CTBP2: variants seen among roughly 807,000 people sequenced by gnomAD.
CTBP2 encodes C-terminal binding protein 2, also known as C-terminal-binding protein 2.
Under a neutral mutation model 80.3 loss-of-function variants are expected in CTBP2, and 30 were observed. The observed-to-expected ratio is 0.37, with a 90% confidence interval of 0.28 to 0.51. The LOEUF is 0.51. Among genes scored for constraint, CTBP2 ranks in the 20% least tolerant of loss-of-function variants. The pLI is 0.93. For missense variants in CTBP2, 1,212 were observed against 1,375.3 expected, an observed-to-expected ratio of 0.88 and a Z score of 1.88; for synonymous variants, 594 against 587.4, an observed-to-expected ratio of 1.01 and a Z score of -0.16.
chr10:124,991,161 C>T (rs7902115), intron 8 of CTBP2, among the ~76,000 whole-genome samples: 133,338 of 152,128 alleles, frequency 0.88, 60,368 homozygotes, highest in Non-Finnish European at 0.99. Context: ...CCACAGAACA[C>T]AGGGTCCTCG....
rs56032803 is a variant in CTBP2 at position 125,060,463 on chromosome 10, CGTGTGT to C, written c.-101-21314_-101-21309del. 6.6e-3 allele frequency among the ~76,000 whole-genome samples: 981 copies of C among 147,926 alleles called. 7 individuals are homozygous for C. Among genetic ancestry groups the C allele is most frequent in the South Asian group, 0.019 (89 of 4,590 alleles). ...TGGTCATGATATTCCATTCCCCCCA[CGTGTGT>C]GTGTGTGTGTGTGTGTGTGTGTGTG... is the stretch of plus-strand genomic sequence containing the variant. On this transcript the variant is annotated intron_variant, in intron 2 of 10. Transcript: ENST00000337195.
intron 8 of CTBP2, among the ~76,000 whole-genome samples, 177 bp downstream of exon 10, chr10:124,992,518 A>G (rs1952815828): frequency 6.6e-6 from 1 of 152,112 alleles, no homozygotes; most frequent in Non-Finnish European, 1.5e-5. Context: ...TTGTTCCATG[A>G]AATTAGGCAT....
intron 1 of CTBP2, among the ~76,000 whole-genome samples, chr10:125,015,516 C>T (rs1210667700): frequency 6.6e-6 from 1 of 152,210 alleles, no homozygotes; most frequent in Admixed American, 6.5e-5. Flanking sequence ...AGCCGGGCTC[C>T]CAGGGCTCCC....
intron 1 of CTBP2, among the ~76,000 whole-genome samples, chr10:125,017,439 C>A (rs574177013): frequency 1.3e-5 from 2 of 152,306 alleles, no homozygotes; most frequent in African/African-American, 2.4e-5. Flanking sequence ...AAGCTCAGAG[C>A]AGAATTCCCA....
chr10:125,057,372 A>G (rs1185430401), intron 2 of CTBP2, among the ~76,000 whole-genome samples: 1 of 152,172 alleles, frequency 6.6e-6, no homozygotes, highest in Non-Finnish European at 1.5e-5. Flanking sequence ...AGGAACAACA[A>G]AAACCCCTTT....
intron 1 of CTBP2, among the ~76,000 whole-genome samples, chr10:125,112,111 T>A (rs1353103303): frequency 6.7e-6 from 1 of 149,888 alleles, no homozygotes; most frequent in Non-Finnish European, 1.5e-5. Flanking sequence ...ATTTGACTTT[T>A]TTTTTTTTTT....
chr10:125,117,071 C>G (rs74163341), intron 1 of CTBP2, among the ~76,000 whole-genome samples: 13,860 of 152,250 alleles, frequency 0.091, 812 homozygotes, highest in African/African-American at 0.16. Flanking sequence ...ACCCTCAGTG[C>G]AGTCTCTGGC....
At chr10:125,103,808 G>A (rs1315664095) in intron 2 of CTBP2, among the ~76,000 whole-genome samples, 1 of 151,978 alleles carries the variant, frequency 6.6e-6, no homozygotes, top group Non-Finnish European at 1.5e-5. Flanking sequence ...GGAAAGAGGC[G>A]AGCTTCCCCC....
rs373896551 is a variant in CTBP2 at position 125,016,701 on chromosome 10, C to A, written c.1678+9381G>T. Among the ~76,000 whole-genome samples, 6 of 152,354 alleles carry A rather than the reference C, an allele frequency of 3.9e-5. No individual in the cohort carries two copies. The East Asian group carries it at 1.2e-3, about 29-fold the overall frequency. On this transcript the variant is annotated intron_variant, in intron 1 of 8. Coordinates refer to ENST00000309035, the MANE Select transcript of CTBP2 (RefSeq NM_022802.3). ...AAGGGCCAAGAGCGCTGCGCCCAGGCCCAGCTCACAGCCAGGAAGTGAACA... is the reference window on the plus strand; with the variant it reads ...AAGGGCCAAGAGCGCTGCGCCCAGGACCAGCTCACAGCCAGGAAGTGAACA...
At chr10:125,093,991 T>C (rs539603345) in intron 2 of CTBP2, among the ~76,000 whole-genome samples, 1 of 152,318 alleles carries the variant, frequency 6.6e-6, no homozygotes, top group Non-Finnish European at 1.5e-5. Flanking sequence ...GCAAAGACAC[T>C]GCTGCTAGAA....
At chr10:125,079,805 A>G (rs1255499922) in intron 2 of CTBP2, among the ~76,000 whole-genome samples, 1 of 152,182 alleles carries the variant, frequency 6.6e-6, no homozygotes, top group Admixed American at 6.5e-5. Flanking sequence ...TTTACAAGGC[A>G]TTTTCTCACA....
chr10:125,035,933 T>C (rs1958816687), intron 3 of CTBP2, among the ~76,000 whole-genome samples: 1 of 152,172 alleles, frequency 6.6e-6, no homozygotes. Flanking sequence ...TACATGGTAT[T>C]ATAGGATTGC....
At chr10:125,129,318 T>C (rs1170514870) in intron 1 of CTBP2, among the ~76,000 whole-genome samples, 1 of 152,080 alleles carries the variant, frequency 6.6e-6, no homozygotes, top group East Asian at 1.9e-4. Context: ...TACGCAGGTA[T>C]GTGCGTGTGT....
rs779937717 is a variant in CTBP2, at chr10:124,984,870, C to T, written c.*4648G>A. ...TCTGGTTGCCATGCAGAAGAGTTCT[C>T]GGCGGCGAAATCACCCCCTGGTCAC... On this transcript the variant is annotated 3_prime_UTR_variant, in exon 9 of 9. Coordinates refer to ENST00000309035, the MANE Select transcript of CTBP2 (RefSeq NM_022802.3). 26 of 1,613,726 alleles carry T rather than the reference C, an allele frequency of 1.6e-5. 1 individual carries two copies. The highest frequency in any genetic ancestry group is 6.6e-5 in the South Asian group (6 of 91,062).
chr10:125,075,480 C>G (rs1261078757), intron 2 of CTBP2, among the ~76,000 whole-genome samples: 4 of 152,184 alleles, frequency 2.6e-5, no homozygotes, highest in African/African-American at 9.7e-5. Flanking sequence ...CAAGAAGACC[C>G]TCGCCAGATG....
intron 2 of CTBP2, among the ~76,000 whole-genome samples, chr10:125,064,442 T>G (rs1844320126): frequency 6.6e-6 from 1 of 152,094 alleles, no homozygotes; most frequent in Non-Finnish European, 1.5e-5. Flanking sequence ...GAAACAGCGT[T>G]CTTGGTGAGG....
In CTBP2 at chr10:125,066,398, C is replaced by T. The variant is rs1844637714; in HGVS notation, c.-101-27243G>A. ...CCCGTGCCTTCTAAGCAGTCAGGTG[C>T]ATGCACCATGCTAGGTGAGTGCAGG... is the stretch of plus-strand genomic sequence containing the variant. On this transcript the variant is annotated intron_variant, in intron 2 of 10. Transcript: ENST00000337195. This position sits in a 1 kb window ranked among gnomAD's most constrained non-coding sequence, Gnocchi z 4.1. Among the ~76,000 whole-genome samples, 1 of 152,124 alleles carries T rather than the reference C, an allele frequency of 6.6e-6. No homozygotes were observed. The highest frequency in any genetic ancestry group is 1.5e-5 in the Non-Finnish European group (1 of 68,038).
intron 2 of CTBP2, among the ~76,000 whole-genome samples, chr10:125,089,409 C>T (rs950050201): frequency 4.0e-4 from 61 of 152,176 alleles, no homozygotes; most frequent in African/African-American, 1.5e-3. Context: ...GTTGAACTTC[C>T]GAAGTCACGG....
At chr10:125,102,822 T>G (rs1271188774) in intron 2 of CTBP2, among the ~76,000 whole-genome samples, 1 of 152,200 alleles carries the variant, frequency 6.6e-6, no homozygotes, top group African/African-American at 2.4e-5. Context: ...ATCTGAGCTT[T>G]GTCTCGAGGG....
Sources: allele counts gnomAD v4.1 joint callset (sites outside exome capture counted in the v4.1 genomes callset), GRCh38; gene constraint gnomAD v4.1.1; non-coding constraint Gnocchi (gnomAD v3.1); transcripts MANE v1.5; gene names NCBI Gene and HGNC (gene_info 2026-07-23, HGNC 2026-07-21).